The following STXBP5L variants were observed in gnomAD, a reference collection of about 807,000 sequenced individuals.
STXBP5L encodes the protein syntaxin binding protein 5L.
STXBP5L carries 65 observed loss-of-function variants against 144.5 expected under a neutral mutation model. The observed-to-expected ratio is 0.45, with a 90% confidence interval of 0.37 to 0.55. The LOEUF is 0.55. Ranked by LOEUF, STXBP5L falls within the 20% of genes least tolerant of loss-of-function variation. The pLI, the probability that STXBP5L is intolerant of heterozygous loss-of-function variation, is 0.00. For synonymous variants in STXBP5L, 505 were observed against 469.6 expected (o/e 1.08, Z -0.97); for missense variants, 1,298 against 1,405.5 (o/e 0.92, Z 1.22).
At chr3:121,187,542 A>T (rs1311792090) in intron 9 of STXBP5L, among the ~76,000 whole-genome samples, 1 of 151,952 alleles carries the variant, frequency 6.6e-6, no homozygotes, top group Non-Finnish European at 1.5e-5. Context: ...CATGTACCCT[A>T]AAACTTAAAA....
chr3:121,346,036 G>A (rs1390864721), intron 20 of STXBP5L, among the ~76,000 whole-genome samples: 5 of 151,782 alleles, frequency 3.3e-5, no homozygotes, highest in Admixed American at 6.6e-5. Context: ...CATGTGAAAC[G>A]TTGGTGTGCT....
intron 7 of STXBP5L, among the ~76,000 whole-genome samples, chr3:121,141,893 A>G (rs1042714372): frequency 6.6e-6 from 1 of 152,112 alleles, no homozygotes; most frequent in Non-Finnish European, 1.5e-5. Flanking sequence ...ATGGCAAATC[A>G]TTCCCTGTCA....
In STXBP5L at chr3:120,935,261, A is replaced by G. The variant is rs144358453; in HGVS notation, c.190-19679A>G. ...ATAACAATGTACCACTACATGAGCC[A>G]TGCAAGTTCCCTTATAATAAAGTAT... On this transcript the variant is annotated intron_variant, in intron 2 of 26. Coordinates refer to ENST00000471454, the MANE Select transcript of STXBP5L (RefSeq NM_001308330.2). Among the ~76,000 whole-genome samples, 335 of 151,932 alleles carry G rather than the reference A, an allele frequency of 2.2e-3. 1 individual carries two copies. The highest frequency in any genetic ancestry group is 0.011 in the Admixed American group (169 of 15,272).
At chr3:121,084,260 A>G (rs1422006123) in intron 5 of STXBP5L, among the ~76,000 whole-genome samples, 1 of 152,168 alleles carries the variant, frequency 6.6e-6, no homozygotes, top group Non-Finnish European at 1.5e-5. Context: ...AGTTTGTTAC[A>G]TAGGTAAACT....
intron 1 of STXBP5L, among the ~76,000 whole-genome samples, chr3:120,908,557 G>A (rs1469364897): frequency 6.6e-6 from 1 of 151,774 alleles, no homozygotes; most frequent in Non-Finnish European, 1.5e-5. Context: ...CGAATGCCTC[G>A]GCGTGAGGTG....
chr3:121,202,405 A>G (rs962483975), intron 9 of STXBP5L, among the ~76,000 whole-genome samples: 1 of 152,160 alleles, frequency 6.6e-6, no homozygotes, highest in African/African-American at 2.4e-5. Flanking sequence ...ATTGTTTTAT[A>G]TAATTGATTT....
intron 5 of STXBP5L, among the ~76,000 whole-genome samples, chr3:121,094,601 CT>C (rs1226144457): frequency 5.9e-5 from 9 of 151,748 alleles, no homozygotes; most frequent in African/African-American, 2.2e-4. Context: ...CAACCCCTGC[CT>C]TTTTTTGTTT....
At chr3:121,042,714 G>T (rs768978309) in intron 4 of STXBP5L, among the ~76,000 whole-genome samples, 3 of 152,202 alleles carry the variant, frequency 2.0e-5, no homozygotes, top group Middle Eastern at 3.4e-3. Flanking sequence ...AGGCAAGAAA[G>T]ATATTGGCAA....
At chr3:121,055,042 A>G (rs545475852) in intron 5 of STXBP5L, among the ~76,000 whole-genome samples, 2 of 152,298 alleles carry the variant, frequency 1.3e-5, no homozygotes, top group African/African-American at 4.8e-5. Context: ...AGTTAGATTA[A>G]TTGGTAGAAA....
intron 5 of STXBP5L, among the ~76,000 whole-genome samples, chr3:121,068,153 G>T (rs1181339355): frequency 6.6e-6 from 1 of 152,170 alleles, no homozygotes; most frequent in East Asian, 1.9e-4. Flanking sequence ...GGGCCTACAG[G>T]CACACACCAC....
chr3:121,329,449 A>G (rs1411496844), intron 20 of STXBP5L, among the ~76,000 whole-genome samples: 1 of 152,262 alleles, frequency 6.6e-6, no homozygotes, highest in Non-Finnish European at 1.5e-5. Flanking sequence ...ATGGTAAAGA[A>G]AAGTAGTTTG....
At chr3:121,068,520 G>A (rs916042011) in intron 5 of STXBP5L, among the ~76,000 whole-genome samples, 1 of 151,188 alleles carries the variant, frequency 6.6e-6, no homozygotes, top group Admixed American at 6.6e-5. Flanking sequence ...AACTCTTTTT[G>A]AGGATTTCAA....
At chr3:120,986,846 C>T (rs1942333668) in intron 3 of STXBP5L, among the ~76,000 whole-genome samples, 1 of 151,766 alleles carries the variant, frequency 6.6e-6, no homozygotes, top group Non-Finnish European at 1.5e-5. Flanking sequence ...TTTAAGCAGA[C>T]AGAAGAATCA....
At chr3:121,371,510 G>A (rs757234613) in intron 20 of STXBP5L, among the ~76,000 whole-genome samples, 4 of 152,378 alleles carry the variant, frequency 2.6e-5, no homozygotes, top group Non-Finnish European at 1.5e-5. Flanking sequence ...GCTAGCAGCA[G>A]CAGCAGTGCA....
chr3:121,249,656 T>C (rs1344883371), intron 14 of STXBP5L, among the ~76,000 whole-genome samples: 1 of 152,132 alleles, frequency 6.6e-6, no homozygotes, highest in Non-Finnish European at 1.5e-5. Context: ...ATTTCTTCCC[T>C]TTTAGTCTGT....
intron 3 of STXBP5L, among the ~76,000 whole-genome samples, chr3:120,992,747 A>C (rs1337537878): frequency 6.6e-6 from 1 of 152,144 alleles, no homozygotes; most frequent in East Asian, 1.9e-4. Flanking sequence ...ATTTATGAAT[A>C]GTGCTGTAAT....
chr3:121,051,172 T>C lies in STXBP5L; in HGVS notation c.470+5637T>C, dbSNP rs890589965. ...CACCCCACTGTCAACATTAGACAGA[T>C]CAACGAGACAGAAAGTTAACAAGGA... On this transcript the variant is annotated intron_variant, in intron 5 of 26. Coordinates refer to ENST00000471454, the MANE Select transcript of STXBP5L (RefSeq NM_001308330.2). Among the ~76,000 whole-genome samples, 3 of 152,092 alleles carry C rather than the reference T, an allele frequency of 2.0e-5. No individual in the cohort carries two copies. The East Asian group carries it at 5.8e-4, about 29-fold the overall frequency.
At chr3:121,303,303 A>C (rs542818894) in intron 19 of STXBP5L, among the ~76,000 whole-genome samples, 7 of 152,324 alleles carry the variant, frequency 4.6e-5, no homozygotes, top group East Asian at 1.9e-4. Flanking sequence ...GCCATCAGAG[A>C]AATGCAAATC....
intron 5 of STXBP5L, among the ~76,000 whole-genome samples, chr3:121,045,751 G>A (rs761170241): frequency 1.3e-5 from 2 of 152,130 alleles, no homozygotes; most frequent in South Asian, 4.1e-4. Context: ...AGCTTAAGGA[G>A]CTTTTGGGCT....
Sources: gnomAD v4.1 joint callset for allele counts (sites outside exome capture counted in the v4.1 genomes callset) on GRCh38, gnomAD v4.1.1 for gene constraint, MANE v1.5 for transcripts, NCBI Gene and HGNC (gene_info 2026-07-23, HGNC 2026-07-21) for gene names.